ATOH1: variants seen among roughly 807,000 people sequenced by gnomAD.
The protein encoded by ATOH1 is atonal bHLH transcription factor 1, also known as transcription factor ATOH1.
In ATOH1, 9 loss-of-function variants were observed where a neutral mutation model predicts 20.7. The ratio of observed to expected loss-of-function variants is 0.44; its 90% CI spans 0.26 to 0.76. The LOEUF (loss-of-function observed/expected upper bound fraction) is 0.76, where lower values mean the gene tolerates loss of function less well. Ranked by LOEUF, ATOH1 falls within the 30% of genes least tolerant of loss-of-function variation. The pLI is 0.20. For missense variants in ATOH1, 516 were observed against 479.3 expected (o/e 1.08, Z -0.71); for synonymous variants, 247 against 214.3 (o/e 1.15, Z -1.33).
chr4:93,830,225 G>A lies in ATOH1; in HGVS notation c.*234G>A, dbSNP rs2110383406. Reference sequence around the variant, plus strand: ...GATGAAAACTTTCTGTTAAAATTGTGTCCTTTCCGCCCACCTTCTGCTCCC... The same window carrying A: ...GATGAAAACTTTCTGTTAAAATTGTATCCTTTCCGCCCACCTTCTGCTCCC... On this transcript the variant is annotated 3_prime_UTR_variant, in exon 1 of 1. Coordinates refer to ENST00000306011, the MANE Select transcript of ATOH1 (RefSeq NM_005172.2). 1 of 882,500 alleles carries A rather than the reference G, an allele frequency of 1.1e-6. No individual in the cohort carries two copies. The highest frequency in any genetic ancestry group is 1.6e-6 in the Non-Finnish European group (1 of 630,052). 54.7% of individuals were successfully genotyped at this position (882,500 alleles called of 1,614,324 possible).
rs1735397203 is a variant in ATOH1, at chr4:93,829,381, A to G, written c.455A>G (p.Gln152Arg). 1 of 1,614,214 alleles carries G rather than the reference A, an allele frequency of 6.2e-7. No homozygotes were observed. Among genetic ancestry groups the G allele is most frequent in the East Asian group, 2.2e-5 (1 of 44,882 alleles). The stretch of plus-strand genomic sequence containing the variant: ...CGCCAACGGGCCCCTTCCAGCAAAC[A>G]GGTGAATGGGGTGCAGAAGCAGAGA... ...CSRQRAPSSK[Q>R]VNGVQKQRRL... is the part of the protein sequence containing the mutation. The change falls in exon 1 of 1, where the codon CAG (glutamine) becomes CGG (arginine). Residue 152 changes from glutamine (Q) to arginine (R), a missense_variant. Transcript: ENST00000306011. This position sits in a 1 kb window ranked among gnomAD's most constrained non-coding sequence, Gnocchi z 4.5.
In ATOH1 at chr4:93,829,344, C is replaced by A. The variant is rs202025292; in HGVS notation, c.418C>A (p.Leu140Met). ...KLKGGVVVDELGCSRQRAPSS... is the reference protein window; with the variant it reads ...KLKGGVVVDEMGCSRQRAPSS... ...GAAAGGCGGGGTGGTGGTAGACGAG[C>A]TGGGCTGCAGCCGCCAACGGGCCCC... is the stretch of plus-strand genomic sequence containing the variant. Residue 140 changes from leucine (L) to methionine (M), a missense_variant, in exon 1 of 1, where the codon CTG (leucine) becomes ATG (methionine). Leu to Met is a conservative substitution (Grantham distance 15, BLOSUM62 2). Transcript: ENST00000306011. The surrounding 1 kb of genome is among the most constrained non-coding windows in gnomAD (Gnocchi z 4.5). The A allele has an allele frequency of 1.1e-5, 18 of 1,614,058 alleles. No homozygotes were observed. The African/African-American group carries it at 2.0e-4, about 18-fold the overall frequency.
rs1735413958 is a variant in ATOH1 at position 93,830,050 on chromosome 4, G to A, written c.*59G>A. The A allele has an allele frequency of 2.6e-6, 4 of 1,515,136 alleles. No individual in the cohort carries two copies. Among genetic ancestry groups the A allele is most frequent in the Non-Finnish European group, 3.5e-6 (4 of 1,135,066 alleles). The allele number at this position is 1,515,136 out of a possible 1,614,324, so 93.9% of individuals were successfully genotyped here. A position where few individuals can be genotyped will look rare whatever the true frequency, so the allele number is the denominator to read the frequency against. ...ACAAAACTGCCCTTTCCCAGTGCGCGGGAAGCCCCGCGGTTAAAGATCCCC... is the reference window on the plus strand; with the variant it reads ...ACAAAACTGCCCTTTCCCAGTGCGCAGGAAGCCCCGCGGTTAAAGATCCCC... On this transcript the variant is annotated 3_prime_UTR_variant, in exon 1 of 1. Transcript: ENST00000306011.
Position 93,828,984 on chromosome 4 carries a change from C to A in ATOH1, c.58C>A (p.His20Asn). 6.2e-7 allele frequency: 1 copy of A among 1,612,708 alleles called. No individual in the cohort carries two copies. The highest frequency in any genetic ancestry group is 8.5e-7 in the Non-Finnish European group (1 of 1,179,326). Residue 20 changes from histidine (H) to asparagine (N), a missense_variant, in exon 1 of 1, where the codon CAT (histidine) becomes AAT (asparagine). Coordinates refer to ENST00000306011, the MANE Select transcript of ATOH1 (RefSeq NM_005172.2). ...TGAAGTGAAGGAGTTGGGAGACCACCATCGCCAGCCCCAGCCGCATCATCT... is the reference window on the plus strand; with the variant it reads ...TGAAGTGAAGGAGTTGGGAGACCACAATCGCCAGCCCCAGCCGCATCATCT... ...WAEVKELGDH[H>N]RQPQPHHLPQ...
Position 93,830,202 on chromosome 4 carries a change from T to C in ATOH1, c.*211T>C, listed in dbSNP as rs1294014719. ...ACTTCCTACGGTCCATATTGTTTGA[T>C]GAAAACTTTCTGTTAAAATTGTGTC... is the stretch of plus-strand genomic sequence containing the variant. On this transcript the variant is annotated 3_prime_UTR_variant, in exon 1 of 1. Transcript: ENST00000306011. 1.8e-6 allele frequency: 2 copies of C among 1,105,998 alleles called. No homozygotes were observed. The highest frequency in any genetic ancestry group is 2.4e-6 in the Non-Finnish European group (2 of 823,298). The allele number at this position is 1,105,998 out of a possible 1,614,324, so 68.5% of individuals were successfully genotyped here.
rs147620158 is a variant in ATOH1, at chr4:93,829,797, G to T, written c.871G>T (p.Ala291Ser). The change falls in exon 1 of 1, where the codon GCT becomes TCT. Residue 291 changes from alanine to serine, a missense_variant. Ala to Ser is a moderately conservative substitution (Grantham distance 99). Transcript: ENST00000306011. The surrounding 1 kb of genome is among the most constrained non-coding windows in gnomAD (Gnocchi z 4.5). ...GGGAGGGTACTCGGTGCAGCTGGAC[G>T]CTCTGCACTTCTCGACTTTCGAGGA... ...SAGGYSVQLD[A>S]LHFSTFEDSA... The T allele has an allele frequency of 1.2e-6, 2 of 1,613,342 alleles. No homozygotes were observed. The highest frequency in any genetic ancestry group is 1.7e-6 in the Non-Finnish European group (2 of 1,179,684).
chr4:93,829,005 C>T lies in ATOH1; in HGVS notation c.79C>T (p.His27Tyr). The change falls in exon 1 of 1, where the codon CAT (histidine) becomes TAT (tyrosine). Residue 27 changes from histidine to tyrosine, a missense_variant. Transcript: ENST00000306011. This position sits in a 1 kb window ranked among gnomAD's most constrained non-coding sequence, Gnocchi z 4.5. ...CCACCATCGCCAGCCCCAGCCGCAT[C>T]ATCTCCCGCAACCGCCGCCGCCGCC... ...GDHHRQPQPH[H>Y]LPQPPPPPQP... is the part of the protein sequence containing the mutation. 2 of 1,613,706 alleles carry T rather than the reference C, an allele frequency of 1.2e-6. No homozygotes were observed. Among genetic ancestry groups the T allele is most frequent in the Non-Finnish European group, 1.7e-6 (2 of 1,179,890 alleles).
In ATOH1 at chr4:93,830,186, G is replaced by C. The variant is rs1029673839; in HGVS notation, c.*195G>C. 44 of 1,206,164 alleles carry C rather than the reference G, an allele frequency of 3.6e-5. No homozygotes were observed. The highest frequency in any genetic ancestry group is 4.6e-5 in the Non-Finnish European group (42 of 905,648). The allele number at this position is 1,206,164 out of a possible 1,614,324, so 74.7% of individuals were successfully genotyped here. On this transcript the variant is annotated 3_prime_UTR_variant, in exon 1 of 1. Coordinates refer to ENST00000306011, the MANE Select transcript of ATOH1 (RefSeq NM_005172.2). ...GCCGCCGCTGTTCCAAACTTCCTAC[G>C]GTCCATATTGTTTGATGAAAACTTT... is the stretch of plus-strand genomic sequence containing the variant.
In ATOH1 at chr4:93,829,671, G is replaced by A. The variant is rs1441583848; in HGVS notation, c.745G>A (p.Gly249Ser). Residue 249 changes from glycine (G) to serine (S), a missense_variant, in exon 1 of 1, where the codon GGC becomes AGC. Transcript: ENST00000306011. This position sits in a 1 kb window ranked among gnomAD's most constrained non-coding sequence, Gnocchi z 4.5. ...CGCGGCCTCCTATGAAGGGGGCGCG[G>A]GCAACGCGACCGCAGCTGGGGCTCA... ...RTAASYEGGA[G>S]NATAAGAQQA... The A allele has an allele frequency of 4.4e-6, 7 of 1,574,032 alleles. No homozygotes were observed. The highest frequency in any genetic ancestry group is 6.0e-6 in the Non-Finnish European group (7 of 1,161,812).
chr4:93,829,010 C>G lies in ATOH1; in HGVS notation c.84C>G (p.Leu28=). The change falls in exon 1 of 1, where the codon CTC becomes CTG. Residue 28 remains leucine (L), a synonymous_variant. Coordinates refer to ENST00000306011, the MANE Select transcript of ATOH1 (RefSeq NM_005172.2). The surrounding 1 kb of genome is among the most constrained non-coding windows in gnomAD (Gnocchi z 4.5). The part of the protein sequence containing the change: ...DHHRQPQPHH[L]PQPPPPPQPP... Reference sequence around the variant, plus strand: ...ATCGCCAGCCCCAGCCGCATCATCTCCCGCAACCGCCGCCGCCGCCGCAGC... The same window carrying G: ...ATCGCCAGCCCCAGCCGCATCATCTGCCGCAACCGCCGCCGCCGCCGCAGC... The G allele has an allele frequency of 6.2e-7, 1 of 1,613,644 alleles. No homozygotes were observed. The highest frequency in any genetic ancestry group is 8.5e-7 in the Non-Finnish European group (1 of 1,179,910).
At position 93,829,154 on chromosome 4, in the gene ATOH1, C is replaced by A; in HGVS notation, c.228C>A (p.Arg76=). The A allele has an allele frequency of 1.3e-6, 2 of 1,597,256 alleles. No homozygotes were observed. The highest frequency in any genetic ancestry group is 1.7e-6 in the Non-Finnish European group (2 of 1,170,298). The change falls in exon 1 of 1, where the codon CGC becomes CGA. Residue 76 remains arginine (R), a synonymous_variant. Coordinates refer to ENST00000306011, the MANE Select transcript of ATOH1 (RefSeq NM_005172.2). The surrounding 1 kb of genome is among the most constrained non-coding windows in gnomAD (Gnocchi z 4.5). ...CTTTGCAGGGCATCTGCACGGCACG[C>A]GCCGCCCAGTATTTGCTACATTCCC... The part of the protein sequence containing the change: ...APTLQGICTA[R]AAQYLLHSPE...
chr4:93,828,856 G>A lies in ATOH1; in HGVS notation c.-71G>A. 7 of 1,472,640 alleles carry A rather than the reference G, an allele frequency of 4.8e-6. No individual in the cohort carries two copies. Among genetic ancestry groups the A allele is most frequent in the Non-Finnish European group, 6.3e-6 (7 of 1,107,652 alleles). The allele number at this position is 1,472,640 out of a possible 1,614,324, so 91.2% of individuals were successfully genotyped here. ...GACGTTGCAGAAGAGACCCGGAAAG[G>A]GCCTTTTTTTTGGTTGAGCTGGTGT... On this transcript the variant is annotated 5_prime_UTR_variant, in exon 1 of 1. Transcript: ENST00000306011.
At position 93,829,272 on chromosome 4, in the gene ATOH1, A is replaced by G. The variant is rs1455550700; in HGVS notation, c.346A>G (p.Ser116Gly). ...GAGGAGCAGCGGCGGTGCCAGCAGCAGCAAGAGCCCCGGGCCGGTGAAAGT... is the reference window on the plus strand; with the variant it reads ...GAGGAGCAGCGGCGGTGCCAGCAGCGGCAAGAGCCCCGGGCCGGTGAAAGT... The part of the protein sequence containing the change: ...VRRSSGGASS[S>G]KSPGPVKVRE... Residue 116 changes from serine (S) to glycine (G), a missense_variant, in exon 1 of 1, where the codon AGC becomes GGC. Physicochemically the swap from Ser to Gly is moderately conservative, Grantham distance 56 (BLOSUM62 0). Transcript: ENST00000306011. This position sits in a 1 kb window ranked among gnomAD's most constrained non-coding sequence, Gnocchi z 4.5. The G allele has an allele frequency of 1.2e-6, 2 of 1,603,328 alleles. No homozygotes were observed. Among genetic ancestry groups the G allele is most frequent in the Non-Finnish European group, 8.5e-7 (1 of 1,173,592 alleles).
Position 93,830,048 on chromosome 4 carries a change from G to C in ATOH1, c.*57G>C. On this transcript the variant is annotated 3_prime_UTR_variant, in exon 1 of 1. Coordinates refer to ENST00000306011, the MANE Select transcript of ATOH1 (RefSeq NM_005172.2). ...AAACAAAACTGCCCTTTCCCAGTGC[G>C]CGGGAAGCCCCGCGGTTAAAGATCC... is the stretch of plus-strand genomic sequence containing the variant. 6.6e-7 allele frequency: 1 copy of C among 1,515,764 alleles called. No homozygotes were observed. Among genetic ancestry groups the C allele is most frequent in the Non-Finnish European group, 8.8e-7 (1 of 1,135,314 alleles). The allele number at this position is 1,515,764 out of a possible 1,614,324, so 93.9% of individuals were successfully genotyped here. A position where few individuals can be genotyped will look rare whatever the true frequency, so the allele number is the denominator to read the frequency against.
chr4:93,829,437 A>C lies in ATOH1; in HGVS notation c.511A>C (p.Arg171=). Residue 171 remains arginine, a synonymous_variant, in exon 1 of 1, where the codon AGG becomes CGG. Transcript: ENST00000306011. The surrounding 1 kb of genome is among the most constrained non-coding windows in gnomAD (Gnocchi z 4.5). ...AGCAGCCAACGCCAGGGAGCGGCGCAGGATGCATGGGCTGAACCACGCCTT... is the reference window on the plus strand; with the variant it reads ...AGCAGCCAACGCCAGGGAGCGGCGCCGGATGCATGGGCTGAACCACGCCTT... The part of the protein sequence containing the change: ...RLAANARERR[R]MHGLNHAFDQ... 6.2e-7 allele frequency: 1 copy of C among 1,614,232 alleles called. No homozygotes were observed. The highest frequency in any genetic ancestry group is 8.5e-7 in the Non-Finnish European group (1 of 1,180,044).
Position 93,829,858 on chromosome 4 carries a change from T to C in ATOH1, c.932T>C (p.Leu311Ser). ...ACAGCGATGATGGCGCAAAAGAATT[T>C]GTCTCCTTCTCTCCCCGGGAGCATC... ...ALTAMMAQKN[L>S]SPSLPGSILQ... The change falls in exon 1 of 1, where the codon TTG becomes TCG. Residue 311 changes from leucine to serine, a missense_variant. By Grantham distance (145) the Leu-to-Ser change is moderately radical. Transcript: ENST00000306011. This position sits in a 1 kb window ranked among gnomAD's most constrained non-coding sequence, Gnocchi z 4.5. 1 of 1,614,102 alleles carries C rather than the reference T, an allele frequency of 6.2e-7. No homozygotes were observed. Among genetic ancestry groups the C allele is most frequent in the East Asian group, 2.2e-5 (1 of 44,864 alleles).
chr4:93,829,016 A>ACCGCCG lies in ATOH1; in HGVS notation c.101_106dup (p.Pro34_Pro35dup). 6.2e-7 allele frequency: 1 copy of ACCGCCG among 1,612,908 alleles called. No individual in the cohort carries two copies. The highest frequency in any genetic ancestry group is 1.3e-5 in the African/African-American group (1 of 74,926). ...AGCCCCAGCCGCATCATCTCCCGCA[A>ACCGCCG]CCGCCGCCGCCGCCGCAGCCACCTG... On this transcript the variant is annotated inframe_insertion, in exon 1 of 1. Coordinates refer to ENST00000306011, the MANE Select transcript of ATOH1 (RefSeq NM_005172.2). This position sits in a 1 kb window ranked among gnomAD's most constrained non-coding sequence, Gnocchi z 4.5.
Position 93,829,999 on chromosome 4 carries a change from A to T in ATOH1, c.*8A>T. 6.4e-7 allele frequency: 1 copy of T among 1,563,750 alleles called. No individual in the cohort carries two copies. Among genetic ancestry groups the T allele is most frequent in the Non-Finnish European group, 8.6e-7 (1 of 1,157,756 alleles). On this transcript the variant is annotated 3_prime_UTR_variant, in exon 1 of 1. Coordinates refer to ENST00000306011, the MANE Select transcript of ATOH1 (RefSeq NM_005172.2). The surrounding 1 kb of genome is among the most constrained non-coding windows in gnomAD (Gnocchi z 4.5). ...TCGGATGAGGCAAGTTAGGAAGGTG[A>T]CAGAAGCCTGAAAACTGAGACAGAA...
At position 93,830,610 on chromosome 4, in the gene ATOH1, A is replaced by G. The variant is rs901718722; in HGVS notation, c.*619A>G. The G allele has an allele frequency of 3.6e-5, 6 of 166,820 alleles. No homozygotes were observed. The highest frequency in any genetic ancestry group is 8.8e-5 in the Non-Finnish European group (6 of 68,096). The allele number at this position is 166,820 out of a possible 1,614,324, so 10.3% of individuals were successfully genotyped here. On this transcript the variant is annotated 3_prime_UTR_variant, in exon 1 of 1. Coordinates refer to ENST00000306011, the MANE Select transcript of ATOH1 (RefSeq NM_005172.2). ...TGGCGTCTTTTAGGAAACTCCGCGC[A>G]CGCACTTTATCAGCCGCTGCTGCGG...
Sources: allele counts gnomAD v4.1 joint callset, GRCh38; gene constraint gnomAD v4.1.1; non-coding constraint Gnocchi (gnomAD v3.1); transcripts MANE v1.5; gene names NCBI Gene and HGNC (gene_info 2026-07-23, HGNC 2026-07-21).